The following DPYD variants were observed in gnomAD, a reference collection of about 807,000 sequenced individuals.
DPYD encodes dihydropyrimidine dehydrogenase [NADP(+)].
Under a neutral mutation model 116.2 loss-of-function variants are expected in DPYD, and 109 were observed. The observed-to-expected ratio is 0.94, with a 90% CI of 0.80 to 1.10. The LOEUF (loss-of-function observed/expected upper bound fraction) is 1.10. Ranked by LOEUF, DPYD falls within the 50% of genes least tolerant of loss-of-function variation. The probability of loss-of-function intolerance (pLI) is 0.00; values close to 1 mark genes in which losing one functional copy is unlikely to be tolerated. For synonymous variants in DPYD, 440 were observed against 432.0 expected (o/e 1.02, Z -0.23); for missense variants, 1,302 against 1,254.5 (o/e 1.04, Z -0.57).
chr1:97,294,667 C>T (rs1013386652), intron 18 of DPYD, among the ~76,000 whole-genome samples: 1 of 152,166 alleles, frequency 6.6e-6, no homozygotes, highest in Non-Finnish European at 1.5e-5. Flanking sequence ...CACAGTTAGA[C>T]TGAGTGCTCA....
chr1:97,429,494 G>A (rs1297924216), intron 14 of DPYD, among the ~76,000 whole-genome samples: 1 of 151,858 alleles, frequency 6.6e-6, no homozygotes, highest in African/African-American at 2.4e-5. Context: ...TTAGGTATAT[G>A]GTACATTTAA....
chr1:97,496,638 A>G (rs1679281092), intron 13 of DPYD, among the ~76,000 whole-genome samples: 1 of 151,982 alleles, frequency 6.6e-6, no homozygotes, highest in African/African-American at 2.4e-5. Context: ...ATATTCATCT[A>G]TAATGTATTC....
At chr1:97,256,840 T>G (rs944042368) in intron 18 of DPYD, among the ~76,000 whole-genome samples, 55 of 152,144 alleles carry the variant, frequency 3.6e-4, no homozygotes, top group African/African-American at 1.3e-3. Flanking sequence ...TATAATTTTA[T>G]AAATCTGTCA....
At chr1:97,246,434 A>C (rs1196576778) in intron 18 of DPYD, among the ~76,000 whole-genome samples, 1 of 152,102 alleles carries the variant, frequency 6.6e-6, no homozygotes, top group Non-Finnish European at 1.5e-5. Flanking sequence ...GTGGTCTAGG[A>C]AGGCTTTGAG....
intron 20 of DPYD, among the ~76,000 whole-genome samples, chr1:97,127,215 G>A (rs1652916233): frequency 6.6e-6 from 1 of 152,176 alleles, no homozygotes; most frequent in African/African-American, 2.4e-5. Flanking sequence ...GCCGTGAGAT[G>A]ATGTTTGTGA....
At chr1:97,193,373 C>T in intron 19 of DPYD, 125 bp from the exon 20 acceptor site, 2 of 968,592 alleles carry the variant, frequency 2.1e-6, no homozygotes, top group South Asian at 2.8e-5. Flanking sequence ...CATGATGGAT[C>T]AGTAGCCGTC....
intron 3 of DPYD, among the ~76,000 whole-genome samples, chr1:97,807,863 T>C (rs183342054): frequency 6.6e-6 from 1 of 152,100 alleles, no homozygotes; most frequent in Non-Finnish European, 1.5e-5. Flanking sequence ...TTAGCATGTG[T>C]ATGTCCAGTG....
intron 1 of DPYD, among the ~76,000 whole-genome samples, chr1:97,886,164 C>T (rs1672474862): frequency 6.6e-6 from 1 of 151,966 alleles, no homozygotes; most frequent in South Asian, 2.1e-4. Flanking sequence ...GAAGTATAAC[C>T]CACACCACTT....
At chr1:97,532,221 T>C (rs1473468911) in intron 12 of DPYD, among the ~76,000 whole-genome samples, 1 of 152,122 alleles carries the variant, frequency 6.6e-6, no homozygotes, top group African/African-American at 2.4e-5. Flanking sequence ...TAAGTCTTGC[T>C]TTATAGAGAT....
chr1:97,559,097 T>G (rs1651948148), intron 11 of DPYD, among the ~76,000 whole-genome samples: 1 of 152,142 alleles, frequency 6.6e-6, no homozygotes, highest in Admixed American at 6.6e-5. Context: ...CACATTTGGG[T>G]GCTTAATATT....
chr1:97,332,647 A>G (rs1234343809), intron 16 of DPYD, among the ~76,000 whole-genome samples: 1 of 152,174 alleles, frequency 6.6e-6, no homozygotes, highest in African/African-American at 2.4e-5. Context: ...AAGATATTGC[A>G]CTTTTTTGAT....
Position 97,096,331 on chromosome 1 carries a change from C to T in DPYD, c.2766+2158G>A, listed in dbSNP as rs192022075. On this transcript the variant is annotated intron_variant, in intron 21 of 22. Transcript: ENST00000370192. ...TTGAGGGCTAGAAAAGGTAAAAATG[C>T]TTTCATAATCATATTGCACTTCTTT... 2.6e-5 allele frequency among the ~76,000 whole-genome samples: 4 copies of T among 152,112 alleles called. No individual in the cohort carries two copies. In the East Asian group the frequency reaches 7.7e-4, roughly 29 times the overall value.
At chr1:97,691,574 A>G in intron 7 of DPYD, 143 bp downstream of exon 7, 1 of 705,980 alleles carries the variant, frequency 1.4e-6, no homozygotes, top group Non-Finnish European at 2.4e-6. Context: ...TGCCCTAAGC[A>G]AGGGGAAGCA....
chr1:97,744,473 A>T (rs1664438737), intron 3 of DPYD, among the ~76,000 whole-genome samples: 1 of 152,038 alleles, frequency 6.6e-6, no homozygotes, highest in African/African-American at 2.4e-5. Flanking sequence ...ACACATACAC[A>T]CAAAGCTATC....
At chr1:97,542,972 TAAC>T (rs1323948408) in intron 12 of DPYD, among the ~76,000 whole-genome samples, 1 of 152,196 alleles carries the variant, frequency 6.6e-6, no homozygotes, top group East Asian at 1.9e-4. Context: ...GATCTCGTTT[TAAC>T]AATACAAGGT....
At chr1:97,382,853 T>C (rs1224586260) in intron 14 of DPYD, among the ~76,000 whole-genome samples, 2 of 151,952 alleles carry the variant, frequency 1.3e-5, no homozygotes, top group African/African-American at 4.8e-5. Context: ...CTGTTTGTAA[T>C]TACTGGTACA....
intron 1 of DPYD, among the ~76,000 whole-genome samples, chr1:97,910,487 T>A (rs535220761): frequency 1.3e-5 from 2 of 152,072 alleles, no homozygotes; most frequent in African/African-American, 4.8e-5. Flanking sequence ...AAAGGATGAA[T>A]CTGTAGTATT....
Position 97,096,610 on chromosome 1 carries a change from C to A in DPYD, c.2766+1879G>T, listed in dbSNP as rs533875955. ...ATTGTAAAATGCATCAATCAGTGCT[C>A]TGTAAAAACATACCAATCAGCACTC... On this transcript the variant is annotated intron_variant, in intron 21 of 22. Transcript: ENST00000370192. Among the ~76,000 whole-genome samples the A allele has an allele frequency of 2.0e-4, 30 of 152,250 alleles. 1 individual carries two copies. In the South Asian group the frequency reaches 3.9e-3, roughly 20 times the overall value.
At chr1:97,811,311 T>C (rs1256442987) in intron 3 of DPYD, among the ~76,000 whole-genome samples, 2 of 152,092 alleles carry the variant, frequency 1.3e-5, no homozygotes, top group African/African-American at 2.4e-5. Context: ...CTCATGAAAA[T>C]TTGCTCATAA....
Sources: gnomAD v4.1 joint callset for allele counts (sites outside exome capture counted in the v4.1 genomes callset) on GRCh38, gnomAD v4.1.1 for gene constraint, MANE v1.5 for transcripts, NCBI Gene and HGNC (gene_info 2026-07-23, HGNC 2026-07-21) for gene names.